SWT1: variants seen among roughly 807,000 people sequenced by gnomAD.
The protein encoded by SWT1 is SWT1 RNA endoribonuclease homolog, also known as transcriptional protein SWT1.
A neutral mutation model predicts 107.3 loss-of-function variants in SWT1; 33 were observed. The observed-to-expected ratio is 0.31, with a 90% CI of 0.23 to 0.41. The LOEUF is 0.41. Among genes scored for constraint, SWT1 ranks in the 10% least tolerant of loss-of-function variants. SWT1 has a pLI of 1.00. For synonymous variants in SWT1, 345 were observed against 348.3 expected (o/e 0.99, Z 0.11); for missense variants, 898 against 1,028.9 (o/e 0.87, Z 1.74).
Position 185,168,320 on chromosome 1 carries a change from C to CGTAAATGATAGA in SWT1, c.166-20_166-19insGTAAATGATAGA. ...ATGTACCAGTGCACAATTTATGTGT[C>CGTAAATGATAGA]CTTTTTTTATTTATTTCAGAAATCA... is the stretch of plus-strand genomic sequence containing the variant. On this transcript the variant is annotated intron_variant, in intron 3 of 18. Transcript: ENST00000367500. The CGTAAATGATAGA allele has an allele frequency of 8.1e-7, 1 of 1,227,396 alleles. No homozygotes were observed. Among genetic ancestry groups the CGTAAATGATAGA allele is most frequent in the Non-Finnish European group, 1.1e-6 (1 of 926,336 alleles). The allele number at this position is 1,227,396 out of a possible 1,614,324, so 76.0% of individuals were successfully genotyped here.
In SWT1 at chr1:185,200,643, C is replaced by T. The variant is rs372800630; in HGVS notation, c.1524-2011C>T. ...GGAAGCTTTGTCCCAGAGGGGCACC[C>T]GCCAGATGCCAGCCGGAGCTCTTCT... On this transcript the variant is annotated intron_variant, in intron 10 of 18. Transcript: ENST00000367500. 1.4e-4 allele frequency among the ~76,000 whole-genome samples: 22 copies of T among 152,270 alleles called. No homozygotes were observed. The East Asian group carries it at 2.1e-3, about 15-fold the overall frequency.
chr1:185,160,993 C>G lies in SWT1; in HGVS notation c.84+68C>G, dbSNP rs59154649. 694 of 1,090,320 alleles carry G rather than the reference C, an allele frequency of 6.4e-4. 7 individuals carry two copies. The African/African-American group carries it at 9.3e-3, about 15-fold the overall frequency. The allele number at this position is 1,090,320 out of a possible 1,614,324, so 67.5% of individuals were successfully genotyped here. On this transcript the variant is annotated intron_variant, in intron 2 of 18. Transcript: ENST00000367500. ...ATTTTTGCTTAATGAAAAAAATACA[C>G]CTTACTATTATAATGATTTATGTAA... is the stretch of plus-strand genomic sequence containing the variant.
At chr1:185,186,439 T>A (rs1381350305) in intron 9 of SWT1, among the ~76,000 whole-genome samples, 1 of 152,178 alleles carries the variant, frequency 6.6e-6, no homozygotes, top group Non-Finnish European at 1.5e-5. Context: ...AAGTGAGAGA[T>A]GCAGGCAGTG....
At chr1:185,180,482 T>G in intron 6 of SWT1, 32 bp downstream of exon 6, 1 of 1,494,498 alleles carries the variant, frequency 6.7e-7, no homozygotes, top group South Asian at 1.1e-5. Flanking sequence ...TTTGATATTT[T>G]TAATGAAATT....
At chr1:185,227,272 T>A (rs1269864711) in intron 15 of SWT1, 25 of 756,294 alleles carry the variant, frequency 3.3e-5, no homozygotes, top group African/African-American at 5.1e-5. Flanking sequence ...AAATAGCAGG[T>A]AAAGGCACCT....
chr1:185,208,984 A>T (rs1239165270), intron 13 of SWT1, among the ~76,000 whole-genome samples: 1 of 152,104 alleles, frequency 6.6e-6, no homozygotes, highest in Non-Finnish European at 1.5e-5. Flanking sequence ...TACTGGGCAA[A>T]AGTTTTTTCA....
intron 2 of SWT1, among the ~76,000 whole-genome samples, chr1:185,161,198 C>T (rs772453165): frequency 1.3e-5 from 2 of 152,082 alleles, no homozygotes; most frequent in Non-Finnish European, 2.9e-5. Context: ...CTTAGGTATT[C>T]CTGACTTCAA....
chr1:185,226,520 G>C (rs1202041039), intron 15 of SWT1, among the ~76,000 whole-genome samples: 3 of 152,124 alleles, frequency 2.0e-5, no homozygotes, highest in Non-Finnish European at 4.4e-5. Context: ...AGGATCACTT[G>C]AGGCCAAATG....
At chr1:185,285,230 G>A (rs1664879571) in intron 18 of SWT1, among the ~76,000 whole-genome samples, 1 of 152,174 alleles carries the variant, frequency 6.6e-6, no homozygotes, top group Non-Finnish European at 1.5e-5. Flanking sequence ...CAGTGAGACA[G>A]TGTGCCCCAC....
In SWT1 at chr1:185,279,926, A is replaced by G. The variant is rs187729193; in HGVS notation, c.2573+3258A>G. Among the ~76,000 whole-genome samples the G allele has an allele frequency of 1.5e-4, 23 of 152,206 alleles. 1 individual carries two copies. Among genetic ancestry groups the G allele is most frequent in the Admixed American group, 1.4e-3 (21 of 15,272 alleles). The stretch of plus-strand genomic sequence containing the variant: ...TTGTTTTTGTTTTTTTTAAAGCATT[A>G]GTTGTAAACAAGGAAACTGTTGATG... On this transcript the variant is annotated intron_variant, in intron 18 of 18. Transcript: ENST00000367500.
chr1:185,168,368 A>G lies in SWT1; in HGVS notation c.194A>G (p.Tyr65Cys), dbSNP rs1654769052. ...LKSDHTDVLY[Y>C]NIKRRQGLKR... ...TCAGATCATACAGATGTTCTGTACT[A>G]TAATATAAAAAGAAGACAAGGACTG... is the stretch of plus-strand genomic sequence containing the variant. The change falls in exon 4 of 19, where the codon TAT becomes TGT. Residue 65 changes from tyrosine to cysteine, a missense_variant. By Grantham distance (194) the Tyr-to-Cys change is radical (BLOSUM62 -2). Coordinates refer to ENST00000367500, the MANE Select transcript of SWT1 (RefSeq NM_017673.7). 2 of 1,383,638 alleles carry G rather than the reference A, an allele frequency of 1.4e-6. No homozygotes were observed. The highest frequency in any genetic ancestry group is 1.4e-5 in the South Asian group (1 of 72,252). 85.7% of individuals were successfully genotyped at this position (1,383,638 alleles called of 1,614,324 possible).
intron 7 of SWT1, among the ~76,000 whole-genome samples, chr1:185,182,862 A>G (rs574492212): frequency 6.6e-6 from 1 of 152,144 alleles, no homozygotes; most frequent in East Asian, 1.9e-4. Flanking sequence ...CTGACCGGGC[A>G]CGGTGGCTCA....
chr1:185,239,490 A>C (rs1348122443), intron 16 of SWT1, among the ~76,000 whole-genome samples: 1 of 152,108 alleles, frequency 6.6e-6, no homozygotes, highest in Non-Finnish European at 1.5e-5. Context: ...CTAATTTTGC[A>C]AAGTTAGAAA....
chr1:185,253,186 C>G (rs1451304429), intron 16 of SWT1, among the ~76,000 whole-genome samples: 1,759 of 126,606 alleles, frequency 0.014, no homozygotes, highest in East Asian at 0.042. Flanking sequence ...GTTACTGTAG[C>G]CTTGTAGTAT....
intron 18 of SWT1, among the ~76,000 whole-genome samples, chr1:185,289,614 C>CT (rs1309276493): frequency 6.6e-6 from 1 of 152,118 alleles, no homozygotes; most frequent in African/African-American, 2.4e-5. Context: ...ACCTAAATGT[C>CT]TATCAGTGAA....
intron 13 of SWT1, among the ~76,000 whole-genome samples, chr1:185,209,582 C>T (rs1425433488): frequency 6.6e-6 from 1 of 152,156 alleles, no homozygotes; most frequent in Non-Finnish European, 1.5e-5. Context: ...GCATAGTATT[C>T]CATGGTGTAT....
At chr1:185,214,997 A>G (rs1659104955) in intron 14 of SWT1, among the ~76,000 whole-genome samples, 1 of 152,212 alleles carries the variant, frequency 6.6e-6, no homozygotes, top group Admixed American at 6.5e-5. Flanking sequence ...AAATTGTTTT[A>G]AACATACAGA....
intron 16 of SWT1, among the ~76,000 whole-genome samples, chr1:185,249,652 C>A (rs1005231530): frequency 6.6e-6 from 1 of 152,062 alleles, no homozygotes; most frequent in African/African-American, 2.4e-5. Context: ...CCACCACCCA[C>A]CCCATACTTT....
intron 2 of SWT1, among the ~76,000 whole-genome samples, chr1:185,163,361 A>G (rs532532937): frequency 3.7e-4 from 56 of 150,128 alleles, no homozygotes; most frequent in Non-Finnish European, 7.6e-4. Flanking sequence ...TTCATTGCTC[A>G]TTTATAAGAA....
Sources: gnomAD v4.1 joint callset for allele counts (sites outside exome capture counted in the v4.1 genomes callset) on GRCh38, gnomAD v4.1.1 for gene constraint, MANE v1.5 for transcripts, NCBI Gene and HGNC (gene_info 2026-07-23, HGNC 2026-07-21) for gene names.